ZBTB7C: variants seen among roughly 807,000 people sequenced by gnomAD.
The protein encoded by ZBTB7C is zinc finger and BTB domain containing 7C, also known as zinc finger and BTB domain-containing protein 7C.
Under a neutral mutation model 25.7 loss-of-function variants are expected in ZBTB7C, and 8 were observed. That is an observed-to-expected ratio of 0.31 (90% CI 0.18 to 0.56). The LOEUF is 0.56. Ranked by LOEUF, ZBTB7C falls within the 20% of genes least tolerant of loss-of-function variation. ZBTB7C has a pLI of 0.91. For synonymous variants in ZBTB7C, 394 were observed against 369.0 expected (o/e 1.07, Z -0.78); for missense variants, 824 against 855.2 (o/e 0.96, Z 0.46).
At chr18:48,251,613 C>T (rs1188113738) in intron 2 of ZBTB7C, among the ~76,000 whole-genome samples, 1 of 152,216 alleles carries the variant, frequency 6.6e-6, no homozygotes, top group Non-Finnish European at 1.5e-5. Context: ...ATGGCGGCTC[C>T]ATCTTCCCTT....
intron 3 of ZBTB7C, among the ~76,000 whole-genome samples, chr18:48,167,508 C>T (rs2041291637): frequency 6.6e-6 from 1 of 151,466 alleles, no homozygotes. Flanking sequence ...CAGCACAGAC[C>T]TAACACTTGA....
chr18:48,155,708 T>A (rs1420895533), intron 3 of ZBTB7C, among the ~76,000 whole-genome samples: 1 of 152,182 alleles, frequency 6.6e-6, no homozygotes, highest in Non-Finnish European at 1.5e-5. Context: ...CTCAGTGCTA[T>A]GACATTTGTG....
chr18:48,052,758 CG>C (rs2036747546), intron 3 of ZBTB7C, among the ~76,000 whole-genome samples: 2 of 152,170 alleles, frequency 1.3e-5, no homozygotes, highest in Admixed American at 6.5e-5. Context: ...TTGAAGCGGC[CG>C]GGTCCCTGTT....
intron 4 of ZBTB7C, among the ~76,000 whole-genome samples, chr18:48,033,278 G>T (rs2035838700): frequency 6.6e-6 from 1 of 152,272 alleles, no homozygotes; most frequent in East Asian, 1.9e-4. Context: ...AAGGTATACA[G>T]CTGGTGGGGG....
At chr18:48,188,016 G>T (rs1022582083) in intron 2 of ZBTB7C, among the ~76,000 whole-genome samples, 3 of 152,060 alleles carry the variant, frequency 2.0e-5, no homozygotes, top group African/African-American at 7.2e-5. Flanking sequence ...TTAACAAATG[G>T]TTAAAATAAA....
intron 1 of ZBTB7C, among the ~76,000 whole-genome samples, chr18:48,403,101 C>T (rs931373957): frequency 6.6e-6 from 1 of 152,174 alleles, no homozygotes; most frequent in East Asian, 1.9e-4. Context: ...AGGAGGCTGC[C>T]AATGAATGAA....
At chr18:48,289,787 A>G (rs1026412148) in intron 2 of ZBTB7C, among the ~76,000 whole-genome samples, 6 of 152,068 alleles carry the variant, frequency 3.9e-5, no homozygotes, top group African/African-American at 1.4e-4. Context: ...TGAGCATAGA[A>G]AAGTCCTAGA....
rs370456501 is a variant in ZBTB7C, at chr18:48,143,641, C to T, written c.-17+42293G>A. ...CCTCAGACAGGTTCCTCTGAGCCCCCTCTTGTCCTTGGGCCCTGTCTTTGG... is the reference window on the plus strand; with the variant it reads ...CCTCAGACAGGTTCCTCTGAGCCCCTTCTTGTCCTTGGGCCCTGTCTTTGG... On this transcript the variant is annotated intron_variant, in intron 3 of 4. Transcript: ENST00000590800. Among the ~76,000 whole-genome samples the T allele has an allele frequency of 1.2e-3, 179 of 152,308 alleles. 1 individual carries two copies. Among genetic ancestry groups the T allele is most frequent in the African/African-American group, 4.2e-3 (175 of 41,574 alleles).
intron 2 of ZBTB7C, among the ~76,000 whole-genome samples, chr18:48,230,740 G>A (rs2043228451): frequency 6.6e-6 from 1 of 152,026 alleles, no homozygotes; most frequent in African/African-American, 2.4e-5. Flanking sequence ...CCAGCAGCAT[G>A]GCGCCATAGA....
chr18:48,115,865 A>C (rs531689263), intron 3 of ZBTB7C, among the ~76,000 whole-genome samples: 6 of 152,002 alleles, frequency 3.9e-5, no homozygotes, highest in Non-Finnish European at 7.4e-5. Context: ...CTGCTCACAT[A>C]ATTCAGGATA....
At chr18:48,326,095 CT>C (rs34725749) in intron 2 of ZBTB7C, among the ~76,000 whole-genome samples, 2,669 of 126,090 alleles carry the variant, frequency 0.021, 51 homozygotes, top group African/African-American at 0.07. Flanking sequence ...CTACCAACAT[CT>C]TTTTTTTTTT....
At chr18:48,292,495 C>T (rs1392018183) in intron 2 of ZBTB7C, among the ~76,000 whole-genome samples, 1 of 152,170 alleles carries the variant, frequency 6.6e-6, no homozygotes, top group Non-Finnish European at 1.5e-5. Flanking sequence ...TAACTCCCTC[C>T]TCCTGCGCCT....
At chr18:48,292,103 C>A (rs1483714391) in intron 2 of ZBTB7C, among the ~76,000 whole-genome samples, 1 of 151,806 alleles carries the variant, frequency 6.6e-6, no homozygotes, top group African/African-American at 2.4e-5. Flanking sequence ...GAGGCTGAGG[C>A]AGGAGAATCA....
intron 3 of ZBTB7C, among the ~76,000 whole-genome samples, chr18:48,142,992 T>G (rs952614355): frequency 6.6e-6 from 1 of 152,228 alleles, no homozygotes; most frequent in Non-Finnish European, 1.5e-5. Context: ...TCCACCCTTA[T>G]GGAGCTGACC....
intron 2 of ZBTB7C, among the ~76,000 whole-genome samples, chr18:48,243,725 T>C (rs548182917): frequency 1.3e-5 from 2 of 152,258 alleles, no homozygotes; most frequent in African/African-American, 4.8e-5. Flanking sequence ...AAAGCAAGAC[T>C]AAGCAAAAAG....
At chr18:48,403,382 C>T (rs9955577) in intron 1 of ZBTB7C, among the ~76,000 whole-genome samples, 5,436 of 152,280 alleles carry the variant, frequency 0.036, 320 homozygotes, top group African/African-American at 0.12. Context: ...TCTTGAATGT[C>T]ACCTTCCCTC....
intron 3 of ZBTB7C, among the ~76,000 whole-genome samples, chr18:48,152,915 G>C (rs907696313): frequency 1.3e-5 from 2 of 152,230 alleles, no homozygotes; most frequent in African/African-American, 4.8e-5. Flanking sequence ...CACAAGGGAG[G>C]AAATGCAGGC....
At chr18:48,409,003 T>A (rs1046130853) in intron 1 of ZBTB7C, among the ~76,000 whole-genome samples, 1 of 129,446 alleles carries the variant, frequency 7.7e-6, no homozygotes, top group Non-Finnish European at 1.6e-5. Context: ...GCCCCCCGCC[T>A]CCTGCCCACC....
intron 2 of ZBTB7C, among the ~76,000 whole-genome samples, chr18:48,255,095 A>G (rs2043984265): frequency 6.6e-6 from 1 of 152,218 alleles, no homozygotes; most frequent in Non-Finnish European, 1.5e-5. Context: ...GCCCTTTAAT[A>G]AAGCTCAAGA....
Sources: allele counts gnomAD v4.1 joint callset (sites outside exome capture counted in the v4.1 genomes callset), GRCh38; gene constraint gnomAD v4.1.1; transcripts MANE v1.5; gene names NCBI Gene and HGNC (gene_info 2026-07-23, HGNC 2026-07-21).